ICAM5: variants seen among roughly 807,000 people sequenced by gnomAD.
ICAM5 encodes the protein intercellular adhesion molecule 5, also known as ICAM-5.
ICAM5 carries 38 observed loss-of-function variants against 78.8 expected under a neutral mutation model. The ratio of observed to expected loss-of-function variants is 0.48; its 90% CI spans 0.37 to 0.63. ICAM5 has a LOEUF of 0.63. Ranked by LOEUF, ICAM5 falls within the 30% of genes least tolerant of loss-of-function variation. The pLI is 0.00. For missense variants in ICAM5, 1,059 were observed against 1,303.0 expected, an observed-to-expected ratio of 0.81 and a Z score of 2.88; for synonymous variants, 544 against 590.9, an observed-to-expected ratio of 0.92 and a Z score of 1.15.
At position 10,290,802 on chromosome 19, in the gene ICAM5, C is replaced by T; in HGVS notation, c.83-270C>T. ...AAGAACCCACCTTTCCTCTCCTCTACGCCCTCCCCCCATGCTTTCCCGCCG... is the reference window on the plus strand; with the variant it reads ...AAGAACCCACCTTTCCTCTCCTCTATGCCCTCCCCCCATGCTTTCCCGCCG... On this transcript the variant is annotated intron_variant, in intron 1 of 10. Transcript: ENST00000221980. This position sits in a 1 kb window ranked among gnomAD's most constrained non-coding sequence, Gnocchi z 5.7. 1.8e-6 allele frequency: 1 copy of T among 566,286 alleles called. No individual in the cohort carries two copies. Among genetic ancestry groups the T allele is most frequent in the Non-Finnish European group, 3.1e-6 (1 of 318,884 alleles). The allele number at this position is 566,286 out of a possible 1,614,324, so 35.1% of individuals were successfully genotyped here. A position where few individuals can be genotyped will look rare whatever the true frequency, so the allele number is the denominator to read the frequency against.
At position 10,296,764 on chromosome 19, in the gene ICAM5, G is replaced by C. The variant is rs1292541575; in HGVS notation, c.*148G>C. The C allele has an allele frequency of 1.5e-5, 10 of 668,904 alleles. No homozygotes were observed. Among genetic ancestry groups the C allele is most frequent in the Non-Finnish European group, 2.0e-5 (10 of 499,028 alleles). 41.4% of individuals were successfully genotyped at this position (668,904 alleles called of 1,614,324 possible). On this transcript the variant is annotated 3_prime_UTR_variant, in exon 11 of 11. Transcript: ENST00000221980. ...ATTTTCTACCCATCCCCTCAATAAA[G>C]TTTTTATAAAGGAACTCCCTGTCTC...
chr19:10,290,312 C>T lies in ICAM5; in HGVS notation c.82+187C>T, dbSNP rs2040160804. Reference sequence around the variant, plus strand: ...ACACCCGAGCCCCAGCTTCCTGACTCCTCGATAGCCCCTACCCGCTTCGAG... The same window carrying T: ...ACACCCGAGCCCCAGCTTCCTGACTTCTCGATAGCCCCTACCCGCTTCGAG... On this transcript the variant is annotated intron_variant, in intron 1 of 10. Transcript: ENST00000221980. This position sits in a 1 kb window ranked among gnomAD's most constrained non-coding sequence, Gnocchi z 5.7. 3.8e-6 allele frequency: 2 copies of T among 531,142 alleles called. No individual in the cohort carries two copies. The highest frequency in any genetic ancestry group is 4.0e-5 in the African/African-American group (2 of 50,308). 32.9% of individuals were successfully genotyped at this position (531,142 alleles called of 1,614,324 possible). A position where few individuals can be genotyped will look rare whatever the true frequency, so the allele number is the denominator to read the frequency against.
At position 10,290,231 on chromosome 19, in the gene ICAM5, G is replaced by A; in HGVS notation, c.82+106G>A. ...AGCTCTGCCCTCGCCTCGCTCCCACGCCTCTGCCCCCACCTCGAGCCTGAG... is the reference window on the plus strand; with the variant it reads ...AGCTCTGCCCTCGCCTCGCTCCCACACCTCTGCCCCCACCTCGAGCCTGAG... On this transcript the variant is annotated intron_variant, in intron 1 of 10. Transcript: ENST00000221980. This position sits in a 1 kb window ranked among gnomAD's most constrained non-coding sequence, Gnocchi z 5.7. 1.3e-6 allele frequency: 1 copy of A among 796,482 alleles called. No individual in the cohort carries two copies. The highest frequency in any genetic ancestry group is 1.9e-6 in the Non-Finnish European group (1 of 531,522). 49.3% of individuals were successfully genotyped at this position (796,482 alleles called of 1,614,324 possible).
chr19:10,296,662 A>T lies in ICAM5; in HGVS notation c.*46A>T, dbSNP rs2040223506. The stretch of plus-strand genomic sequence containing the variant: ...GGGCCGGGGGACGCCCCCCAGACTC[A>T]CACGGGGGCTTATTTATTGCTTTAT... On this transcript the variant is annotated 3_prime_UTR_variant, in exon 11 of 11. Coordinates refer to ENST00000221980, the MANE Select transcript of ICAM5 (RefSeq NM_003259.4). The T allele has an allele frequency of 5.0e-6, 6 of 1,198,788 alleles. No individual in the cohort carries two copies. Among genetic ancestry groups the T allele is most frequent in the Non-Finnish European group, 6.2e-6 (6 of 963,754 alleles). The allele number at this position is 1,198,788 out of a possible 1,614,324, so 74.3% of individuals were successfully genotyped here. A position where few individuals can be genotyped will look rare whatever the true frequency, so the allele number is the denominator to read the frequency against.
In ICAM5 at chr19:10,292,259, C is replaced by T; in HGVS notation, c.898C>T (p.Leu300=). The change falls in exon 4 of 11, where the codon CTG becomes TTG. Residue 300 remains leucine, a synonymous_variant. Transcript: ENST00000221980. ...CGCAGAGCAGGAGGGTGCCAGGCAG[C>T]TGGTCTGCAACGTCACCCTGGGGGG... is the stretch of plus-strand genomic sequence containing the variant. ...ASAEQEGARQ[L]VCNVTLGGEN... is the part of the protein sequence containing the mutation. 1 of 1,612,824 alleles carries T rather than the reference C, an allele frequency of 6.2e-7. No homozygotes were observed. The highest frequency in any genetic ancestry group is 8.5e-7 in the Non-Finnish European group (1 of 1,179,832).
In ICAM5 at chr19:10,294,170, C is replaced by T. The variant is rs1171258827; in HGVS notation, c.1842C>T (p.Ala614=). The stretch of plus-strand genomic sequence containing the variant: ...TGAAGTGCGTGGGCTCCGGGGGCGC[C>T]ACTGAGGGGGTGCTGCTGCCGCTGG... ...PSVKCVGSGG[A]TEGVLLPLAP... The change falls in exon 8 of 11, where the codon GCC becomes GCT. Residue 614 remains alanine (A), a synonymous_variant. Transcript: ENST00000221980. This position sits in a 1 kb window ranked among gnomAD's most constrained non-coding sequence, Gnocchi z 7.7. 6.2e-7 allele frequency: 1 copy of T among 1,613,458 alleles called. No individual in the cohort carries two copies. Among genetic ancestry groups the T allele is most frequent in the East Asian group, 2.2e-5 (1 of 44,876 alleles).
At position 10,291,555 on chromosome 19, in the gene ICAM5, T is replaced by C; in HGVS notation, c.419T>C (p.Leu140Pro). 1.9e-6 allele frequency: 3 copies of C among 1,612,522 alleles called. No homozygotes were observed. Among genetic ancestry groups the C allele is most frequent in the Non-Finnish European group, 1.7e-6 (2 of 1,179,928 alleles). The change falls in exon 3 of 11, where the codon CTG becomes CCG. Residue 140 changes from leucine to proline, a missense_variant. Leu to Pro is a moderately conservative substitution (Grantham distance 98). Coordinates refer to ENST00000221980, the MANE Select transcript of ICAM5 (RefSeq NM_003259.4). ...CAGCCGGTGGGCGAGAACTTCACCC[T>C]GAGCTGTAGGGTCCCCGGCGCCGGG... ...PWQPVGENFT[L>P]SCRVPGAGPR... is the part of the protein sequence containing the mutation.
At position 10,293,944 on chromosome 19, in the gene ICAM5, G is replaced by A; in HGVS notation, c.1711+1G>A. ...AAAAATGTGGCCGTCACGGTGGAAT[G>A]TGAGTAGGGGCACCGCGGAGTTAGG... On this transcript the variant is annotated splice_donor_variant, in intron 7 of 10. Transcript: ENST00000221980. LOFTEE classifies it high-confidence loss of function. The surrounding 1 kb of genome is among the most constrained non-coding windows in gnomAD (Gnocchi z 5.0). 1 of 1,612,102 alleles carries A rather than the reference G, an allele frequency of 6.2e-7. No individual in the cohort carries two copies. The highest frequency in any genetic ancestry group is 8.5e-7 in the Non-Finnish European group (1 of 1,179,340).
Position 10,293,552 on chromosome 19 carries a change from C to T in ICAM5, c.1466-146C>T. The stretch of plus-strand genomic sequence containing the variant: ...GGAAGCTCCCAGACAGAGTGCATGC[C>T]TCGACTAGCGTGACACCTCCTTGGA... On this transcript the variant is annotated intron_variant, in intron 6 of 10. Coordinates refer to ENST00000221980, the MANE Select transcript of ICAM5 (RefSeq NM_003259.4). This position sits in a 1 kb window ranked among gnomAD's most constrained non-coding sequence, Gnocchi z 5.0. The T allele has an allele frequency of 8.3e-7, 1 of 1,204,888 alleles. No homozygotes were observed. Among genetic ancestry groups the T allele is most frequent in the Non-Finnish European group, 1.1e-6 (1 of 871,302 alleles). 74.6% of individuals were successfully genotyped at this position (1,204,888 alleles called of 1,614,324 possible). A position where few individuals can be genotyped will look rare whatever the true frequency, so the allele number is the denominator to read the frequency against.
At position 10,290,750 on chromosome 19, in the gene ICAM5, C is replaced by G. The variant is rs746518599; in HGVS notation, c.83-322C>G. 30 of 434,188 alleles carry G rather than the reference C, an allele frequency of 6.9e-5. No homozygotes were observed. Among genetic ancestry groups the G allele is most frequent in the African/African-American group, 5.9e-4 (29 of 49,400 alleles). 26.9% of individuals were successfully genotyped at this position (434,188 alleles called of 1,614,324 possible). A position where few individuals can be genotyped will look rare whatever the true frequency, so the allele number is the denominator to read the frequency against. ...TCCCCCATCCCCCATCCCGGGTCCC[C>G]TTCTCTCAGCCTTGCTGTGTTCATC... On this transcript the variant is annotated intron_variant, in intron 1 of 10. Coordinates refer to ENST00000221980, the MANE Select transcript of ICAM5 (RefSeq NM_003259.4). The surrounding 1 kb of genome is among the most constrained non-coding windows in gnomAD (Gnocchi z 5.7).
Position 10,291,225 on chromosome 19 carries a change from G to A in ICAM5, c.236G>A (p.Gly79Asp). ...TSLRRNGTQR[G>D]LRWLARQLVD... ...CTGCGCCGAAACGGGACCCAGAGGG[G>A]TTTGCGTTGGTTGGCGCGGCAGCTG... The change falls in exon 2 of 11, where the codon GGT becomes GAT. Residue 79 changes from glycine to aspartate, a missense_variant. By Grantham distance (94) the Gly-to-Asp change is moderately conservative (BLOSUM62 -1). Around this residue, in one of 3 missense-constraint regions of ICAM5, gnomAD observed 815 missense variants for 952.8 expected, o/e 0.86. Coordinates refer to ENST00000221980, the MANE Select transcript of ICAM5 (RefSeq NM_003259.4). The A allele has an allele frequency of 6.2e-7, 1 of 1,612,458 alleles. No homozygotes were observed. Among genetic ancestry groups the A allele is most frequent in the Non-Finnish European group, 8.5e-7 (1 of 1,179,928 alleles).
Position 10,292,620 on chromosome 19 carries a change from GCAC to G in ICAM5, c.974_976del (p.Pro325del). The stretch of plus-strand genomic sequence containing the variant: ...AAATGCTCCGCCCCCAGGCTTCCCG[GCAC>G]CACTCCTGACCCTGAGCGAACCCAG... On this transcript the variant is annotated inframe_deletion, in exon 5 of 11. Transcript: ENST00000221980. 6.4e-7 allele frequency: 1 copy of G among 1,565,526 alleles called. No individual in the cohort carries two copies. The highest frequency in any genetic ancestry group is 8.6e-7 in the Non-Finnish European group (1 of 1,156,744).
In ICAM5 at chr19:10,290,503, C is replaced by CA. The variant is rs1214190901; in HGVS notation, c.82+379dup. 1 of 232,286 alleles carries CA rather than the reference C, an allele frequency of 4.3e-6. No homozygotes were observed. Among genetic ancestry groups the CA allele is most frequent in the East Asian group, 9.3e-5 (1 of 10,774 alleles). 14.4% of individuals were successfully genotyped at this position (232,286 alleles called of 1,614,324 possible). On this transcript the variant is annotated intron_variant, in intron 1 of 10. Transcript: ENST00000221980. The surrounding 1 kb of genome is among the most constrained non-coding windows in gnomAD (Gnocchi z 5.7). ...CTCCATCTCTCCAACTACCCTGACTCAGAGGCGCTGTTCCCGCTCCACCCA... is the reference window on the plus strand; with the variant it reads ...CTCCATCTCTCCAACTACCCTGACTCAAGAGGCGCTGTTCCCGCTCCACCCA...
rs1047018959 is a variant in ICAM5, at chr19:10,293,472, C to T, written c.1465+226C>T. Among the ~76,000 whole-genome samples, 1 of 152,124 alleles carries T rather than the reference C, an allele frequency of 6.6e-6. No individual in the cohort carries two copies. The highest frequency in any genetic ancestry group is 2.4e-5 in the African/African-American group (1 of 41,414). On this transcript the variant is annotated intron_variant, in intron 6 of 10. Coordinates refer to ENST00000221980, the MANE Select transcript of ICAM5 (RefSeq NM_003259.4). The surrounding 1 kb of genome is among the most constrained non-coding windows in gnomAD (Gnocchi z 5.0). ...GTATTTGGGCGGAGTCGTGGAAAGGCGGGCAGTCCAGAGTGTTTAAGTTTT... is the reference window on the plus strand; with the variant it reads ...GTATTTGGGCGGAGTCGTGGAAAGGTGGGCAGTCCAGAGTGTTTAAGTTTT...
chr19:10,291,935 C>T (rs78617778), intron 3 of ICAM5, 100 bp from the exon 4 acceptor site: 3 of 1,481,510 alleles, frequency 2.0e-6, no homozygotes, highest in Admixed American at 1.8e-5. Context: ...TTTCCCCCTC[C>T]GTGCCTTGAG....
At chr19:10,291,909 C>T (rs1568299719) in intron 3 of ICAM5, 100 bp downstream of exon 3, 1 of 1,490,016 alleles carries the variant, frequency 6.7e-7, no homozygotes, top group Admixed American at 1.9e-5. Context: ...GACTTCAACC[C>T]TCGCCGGCTG....
Position 10,292,072 on chromosome 19 carries a change from G to T in ICAM5, c.711G>T (p.Arg237=). ...ATGCCCCGCGCCTCGCTGCTCCCCG[G>T]CTCTTGGAAGTTGGCTCGGAAAGGC... ...SPDAPRLAAP[R]LLEVGSERPV... Residue 237 remains arginine, a synonymous_variant, in exon 4 of 11, where the codon CGG becomes CGT. Coordinates refer to ENST00000221980, the MANE Select transcript of ICAM5 (RefSeq NM_003259.4). 1 of 1,612,890 alleles carries T rather than the reference G, an allele frequency of 6.2e-7. No homozygotes were observed. The highest frequency in any genetic ancestry group is 8.5e-7 in the Non-Finnish European group (1 of 1,179,640).
Position 10,294,772 on chromosome 19 carries a change from A to G in ICAM5, c.2230+132A>G, listed in dbSNP as rs1399248915. On this transcript the variant is annotated intron_variant, in intron 9 of 10. Coordinates refer to ENST00000221980, the MANE Select transcript of ICAM5 (RefSeq NM_003259.4). The surrounding 1 kb of genome is among the most constrained non-coding windows in gnomAD (Gnocchi z 7.7). ...GGAATTCCAGCCTAAACCAGGGGGT[A>G]ATGAAAATTCTAGCCAGGCGCAGTG... The G allele has an allele frequency of 7.1e-7, 1 of 1,416,160 alleles. No individual in the cohort carries two copies. The highest frequency in any genetic ancestry group is 9.5e-7 in the Non-Finnish European group (1 of 1,047,236). The allele number at this position is 1,416,160 out of a possible 1,614,324, so 87.7% of individuals were successfully genotyped here.
Position 10,293,224 on chromosome 19 carries a change from G to A in ICAM5, c.1443G>A (p.Lys481=), listed in dbSNP as rs1300606100. Residue 481 remains lysine (K), a synonymous_variant, in exon 6 of 11, where the codon AAG becomes AAA. Transcript: ENST00000221980. The surrounding 1 kb of genome is among the most constrained non-coding windows in gnomAD (Gnocchi z 5.0). ...KAANDQGEAV[K]DVTLTVEYAP... ...CCAATGATCAAGGCGAGGCGGTCAA[G>A]GACGTAACGCTAACGGTGGAGTGTG... 6.3e-7 allele frequency: 1 copy of A among 1,593,368 alleles called. No individual in the cohort carries two copies. Among genetic ancestry groups the A allele is most frequent in the East Asian group, 2.2e-5 (1 of 44,732 alleles).
Sources: gnomAD v4.1 joint callset for allele counts (sites outside exome capture counted in the v4.1 genomes callset) on GRCh38, gnomAD v4.1.1 for gene constraint, gnomAD v4.1.1 regional missense constraint, Gnocchi (gnomAD v3.1) non-coding constraint, MANE v1.5 for transcripts, NCBI Gene and HGNC (gene_info 2026-07-23, HGNC 2026-07-21) for gene names.